Variants in DOCK2 observed in about 807,000 individuals in gnomAD.
The protein encoded by DOCK2 is dedicator of cytokinesis protein 2.
DOCK2 carries 87 observed loss-of-function variants against 248.9 expected under a neutral mutation model. That is an observed-to-expected ratio of 0.35 (90% CI 0.29 to 0.42). The LOEUF is 0.42. Among genes scored for constraint, DOCK2 ranks in the 10% least tolerant of loss-of-function variants. The pLI is 1.00. For synonymous variants in DOCK2, 805 were observed against 821.6 expected, an observed-to-expected ratio of 0.98 and a Z score of 0.35; for missense variants, 1,747 against 2,300.2, an observed-to-expected ratio of 0.76 and a Z score of 4.92.
intron 34 of DOCK2, among the ~76,000 whole-genome samples, chr5:170,030,084 C>G (rs936976304): frequency 1.3e-5 from 2 of 152,174 alleles, no homozygotes; most frequent in Admixed American, 1.3e-4. Context: ...TCTTAAAGTT[C>G]TAAACAAGAA....
chr5:170,021,741 G>A (rs556630247), intron 33 of DOCK2, among the ~76,000 whole-genome samples: 11 of 152,290 alleles, frequency 7.2e-5, no homozygotes, highest in East Asian at 3.9e-4. Context: ...ACCAGCTGGC[G>A]TGCTTCATAG....
intron 26 of DOCK2, among the ~76,000 whole-genome samples, chr5:169,832,982 G>A (rs1378912696): frequency 6.6e-6 from 1 of 152,118 alleles, no homozygotes; most frequent in Non-Finnish European, 1.5e-5. Context: ...ATAAACACAG[G>A]GCCAAGGCTG....
chr5:170,034,225 GA>G (rs11392569), intron 34 of DOCK2, among the ~76,000 whole-genome samples, 173 bp from the exon 35 acceptor site: 2 of 151,784 alleles, frequency 1.3e-5, no homozygotes, highest in Non-Finnish European at 2.9e-5. Flanking sequence ...TCTGATGTTA[GA>G]AAAAAAATTG....
intron 27 of DOCK2, among the ~76,000 whole-genome samples, chr5:169,865,890 A>G (rs2113429681): frequency 6.6e-6 from 1 of 152,326 alleles, no homozygotes; most frequent in South Asian, 2.1e-4. Flanking sequence ...TACTCTCCCC[A>G]TGTCACCTCC....
chr5:169,876,561 G>T (rs185052748), intron 27 of DOCK2, among the ~76,000 whole-genome samples: 107 of 152,314 alleles, frequency 7.0e-4, no homozygotes, highest in African/African-American at 2.5e-3. Context: ...AAGAACAAGG[G>T]TTTCAATGTC....
At chr5:169,882,910 GGAC>G in intron 27 of DOCK2, 2 of 1,551,964 alleles carry the variant, frequency 1.3e-6, no homozygotes, top group Non-Finnish European at 1.7e-6. Flanking sequence ...ACTTGATGAA[GGAC>G]AGTCTGAGGC....
chr5:169,821,984 AC>A (rs761438879), intron 26 of DOCK2, among the ~76,000 whole-genome samples: 2 of 152,234 alleles, frequency 1.3e-5, no homozygotes, highest in Non-Finnish European at 2.9e-5. Flanking sequence ...CTCTGATAAA[AC>A]AGACTTTAAG....
In DOCK2 at chr5:169,803,045, G is replaced by A. The variant is rs766828194; in HGVS notation, c.2555-13G>A. ...GAGGAATTCTACACTACTCTGAACT[G>A]TCTTTATTCCAGAATGCCGGGACAT... is the stretch of plus-strand genomic sequence containing the variant. On this transcript the variant is annotated splice_polypyrimidine_tract_variant and intron_variant, in intron 25 of 51. Coordinates refer to ENST00000520908, the MANE Select transcript of DOCK2 (RefSeq NM_004946.3). The A allele has an allele frequency of 1.9e-6, 3 of 1,614,062 alleles. No individual in the cohort carries two copies. The highest frequency in any genetic ancestry group is 8.5e-7 in the Non-Finnish European group (1 of 1,179,970).
At chr5:169,670,714 G>T in intron 4 of DOCK2, 117 bp downstream of exon 4, 3 of 1,244,568 alleles carry the variant, frequency 2.4e-6, no homozygotes, top group Admixed American at 4.4e-5. Context: ...TCTTCTTTGT[G>T]CCTGTGTATA....
intron 27 of DOCK2, among the ~76,000 whole-genome samples, chr5:169,857,590 A>G (rs1007385801): frequency 1.3e-5 from 2 of 152,180 alleles, no homozygotes; most frequent in Non-Finnish European, 2.9e-5. Context: ...AGCCTTGGGC[A>G]TATTACCAGT....
At chr5:170,003,071 T>C (rs1010578109) in intron 30 of DOCK2, among the ~76,000 whole-genome samples, 1 of 152,236 alleles carries the variant, frequency 6.6e-6, no homozygotes. Flanking sequence ...AGACAAAATC[T>C]TGGTACTTGT....
intron 27 of DOCK2, among the ~76,000 whole-genome samples, chr5:169,899,582 A>C (rs113939100): frequency 0.016 from 2,399 of 152,280 alleles, 22 homozygotes; most frequent in Middle Eastern, 0.068. Context: ...CTGCTTGGGC[A>C]CTCAGGTTTG....
At chr5:169,981,663 TCAG>T (rs1323674646) in intron 27 of DOCK2, among the ~76,000 whole-genome samples, 14 of 152,142 alleles carry the variant, frequency 9.2e-5, no homozygotes, top group Admixed American at 5.2e-4. Context: ...ACTCTAGTCT[TCAG>T]CAACCACCAC....
chr5:169,772,100 G>A (rs1217524542), intron 25 of DOCK2, among the ~76,000 whole-genome samples: 1 of 152,098 alleles, frequency 6.6e-6, no homozygotes, highest in South Asian at 2.1e-4. Context: ...TTCAATCTCC[G>A]GTGCTGAGGA....
At chr5:169,755,666 C>G (rs1310292630) in intron 23 of DOCK2, among the ~76,000 whole-genome samples, 1 of 152,126 alleles carries the variant, frequency 6.6e-6, no homozygotes, top group Non-Finnish European at 1.5e-5. Context: ...ATTGCTTGAA[C>G]CTGGGAGGTG....
rs909130341 is a variant in DOCK2, at chr5:169,858,247, T to A, written c.2799+17395T>A. 4.6e-5 allele frequency among the ~76,000 whole-genome samples: 7 copies of A among 152,296 alleles called. No individual in the cohort carries two copies. The South Asian group carries it at 6.2e-4, about 14-fold the overall frequency. ...CCTTGATCAAAGAATGACGCAGATA[T>A]ATGTACAAGGACAACTGCGCCAAGG... is the stretch of plus-strand genomic sequence containing the variant. On this transcript the variant is annotated intron_variant, in intron 27 of 51. Transcript: ENST00000520908.
chr5:169,864,371 G>A, intron 27 of DOCK2: 19 of 1,551,402 alleles, frequency 1.2e-5, no homozygotes, highest in Non-Finnish European at 1.7e-5. Context: ...TTTGGTGGGG[G>A]CGATGCCTCC....
chr5:169,802,961 T>C (rs1417516064), intron 25 of DOCK2, 97 bp from the exon 26 acceptor site: 2 of 1,395,662 alleles, frequency 1.4e-6, no homozygotes, highest in Middle Eastern at 2.0e-4. Context: ...AATGTCTTCA[T>C]GAACTATTTA....
intron 27 of DOCK2, among the ~76,000 whole-genome samples, chr5:169,860,297 T>C (rs1771122859): frequency 6.6e-6 from 1 of 152,068 alleles, no homozygotes; most frequent in African/African-American, 2.4e-5. Context: ...AACCTGTTTC[T>C]GAAAACCACT....
Sources: allele counts gnomAD v4.1 joint callset (sites outside exome capture counted in the v4.1 genomes callset), GRCh38; gene constraint gnomAD v4.1.1; transcripts MANE v1.5; gene names NCBI Gene and HGNC (gene_info 2026-07-23, HGNC 2026-07-21).